Variants in LAS1L observed in about 807,000 individuals in gnomAD.
LAS1L encodes the protein LAS1 like ribosome biogenesis factor, also known as ribosomal biogenesis protein LAS1L.
Under a neutral mutation model 57.3 loss-of-function variants are expected in LAS1L, and 5 were observed. The observed-to-expected ratio is 0.09, with a 90% CI of 0.05 to 0.18. LAS1L has a LOEUF of 0.18. Ranked by LOEUF, LAS1L falls within the 10% of genes least tolerant of loss-of-function variation. LAS1L has a pLI of 1.00. For synonymous variants in LAS1L, 245 were observed against 231.7 expected (o/e 1.06, Z -0.52); for missense variants, 360 against 568.3 (o/e 0.63, Z 3.73).
At position 65,518,327 on chromosome X, in the gene LAS1L, T is replaced by C. The variant is rs1459305971; in HGVS notation, c.1587A>G (p.Pro529=). ...TCCAATACAGGCTGTCTAGTGTATATGGAGACTTCCCAATGGGGGAGGCCT... is the reference window on the plus strand; with the variant it reads ...TCCAATACAGGCTGTCTAGTGTATACGGAGACTTCCCAATGGGGGAGGCCT... ...GSEASPIGKS[P]YTLDSLYWSV... The change falls in exon 12 of 14, where the codon CCA becomes CCG. Residue 529 remains proline, a synonymous_variant. Transcript: ENST00000374811. 3.6e-5 allele frequency: 44 copies of C among 1,210,767 alleles called. No homozygotes were observed. Among genetic ancestry groups the C allele is most frequent in the Non-Finnish European group, 4.8e-5 (43 of 895,356 alleles).
chrX:65,533,000 G>T (rs747190017), intron 2 of LAS1L, among the ~76,000 whole-genome samples: 1 of 112,362 alleles, frequency 8.9e-6, no homozygotes, highest in East Asian at 2.8e-4. Flanking sequence ...GAGAAAGGGA[G>T]GATCTCAAGG....
At chrX:65,523,826 C>T in intron 10 of LAS1L, 119 bp from the exon 11 acceptor site, 1 of 857,160 alleles carries the variant, frequency 1.2e-6, no homozygotes, top group Non-Finnish European at 1.6e-6. Context: ...CTATACCTCC[C>T]AACTGCTCAA....
intron 11 of LAS1L, chrX:65,520,997 C>T: frequency 1.3e-6 from 1 of 754,103 alleles, no homozygotes; most frequent in Non-Finnish European, 1.6e-6. Context: ...CTCATCCAGG[C>T]CCTTTTGGTT....
rs144560954 is a variant in LAS1L at position 65,534,557 on chromosome X, C to T, written c.159G>A (p.Gln53=). ...CGTCACAGAACAGATAAACCGTCAC[C>T]TGGTCCCACTCGGCCCTGCTGAGCC... ...VAWLSRAEWD[Q]VTVYLFCDDH... The change falls in exon 1 of 14, where the codon CAG becomes CAA. Residue 53 remains glutamine (Q), a synonymous_variant. Coordinates refer to ENST00000374811, the MANE Select transcript of LAS1L (RefSeq NM_031206.7). 10 of 1,207,081 alleles carry T rather than the reference C, an allele frequency of 8.3e-6. No homozygotes were observed. In the African/African-American group the frequency reaches 1.6e-4, roughly 19 times the overall value.
At chrX:65,529,357 G>T in intron 5 of LAS1L, 99 bp from the exon 6 acceptor site, 1 of 784,811 alleles carries the variant, frequency 1.3e-6, no homozygotes, top group Non-Finnish European at 1.9e-6. Flanking sequence ...AGTTGTAATT[G>T]AGGAACTAGA....
At chrX:65,534,193 A>C (rs2069680997) in intron 1 of LAS1L, among the ~76,000 whole-genome samples, 2 of 112,094 alleles carry the variant, frequency 1.8e-5, no homozygotes, top group Non-Finnish European at 3.8e-5. Context: ...AGGCCTCACT[A>C]GTCCCTCCGG....
At chrX:65,527,799 C>T (rs1225206365) in intron 7 of LAS1L, among the ~76,000 whole-genome samples, 3 of 110,170 alleles carry the variant, frequency 2.7e-5, no homozygotes. Context: ...CGCCACTGCA[C>T]TCCAGCCTGG....
chrX:65,528,220 T>C (rs1418387590), intron 7 of LAS1L, 40 bp downstream of exon 7: 1 of 863,281 alleles, frequency 1.2e-6, no homozygotes, highest in Non-Finnish European at 1.7e-6. Flanking sequence ...CTACCCTCTA[T>C]CCTAGAGAAT....
intron 12 of LAS1L, among the ~76,000 whole-genome samples, chrX:65,517,727 C>T (rs1178427870): frequency 1.8e-5 from 2 of 112,468 alleles, no homozygotes; most frequent in Non-Finnish European, 3.8e-5. Context: ...ATGTTACTGC[C>T]CAGGGCTCAC....
intron 13 of LAS1L, among the ~76,000 whole-genome samples, chrX:65,513,720 G>A (rs1223837363): frequency 4.4e-5 from 5 of 112,392 alleles, no homozygotes; most frequent in Non-Finnish European, 9.4e-5. Flanking sequence ...TACTACAGTG[G>A]GTGTGGGAGC....
At chrX:65,523,398 T>C in intron 11 of LAS1L, 162 bp downstream of exon 11, 1 of 491,893 alleles carries the variant, frequency 2.0e-6, no homozygotes, top group African/African-American at 2.4e-5. Flanking sequence ...AAGAAAACCC[T>C]ACCCCTCCCC....
In LAS1L at chrX:65,518,087, C is replaced by T. The variant is rs180935964; in HGVS notation, c.1827G>A (p.Gly609=). ...DDEEEDRMEV[G]PFSTGQESPT... ...GGGACTCTTGCCCTGTAGAGAAAGGCCCCACCTCCATTCTGTCTTCCTCTT... is the reference window on the plus strand; with the variant it reads ...GGGACTCTTGCCCTGTAGAGAAAGGTCCCACCTCCATTCTGTCTTCCTCTT... Residue 609 remains glycine (G), a synonymous_variant, in exon 12 of 14, where the codon GGG becomes GGA. Transcript: ENST00000374811. 9.9e-6 allele frequency: 12 copies of T among 1,208,837 alleles called. No homozygotes were observed. Among genetic ancestry groups the T allele is most frequent in the Non-Finnish European group, 1.3e-5 (12 of 893,765 alleles).
At chrX:65,522,130 C>T (rs1010218897) in intron 11 of LAS1L, 1 of 111,166 alleles carries the variant, frequency 9.0e-6, no homozygotes, top group Admixed American at 9.5e-5. Flanking sequence ...GCAGAGGTGG[C>T]TCCAGAGCAC....
rs1230056998 is a variant in LAS1L at position 65,534,716 on chromosome X, A to G, written c.-1T>C. 3.5e-6 allele frequency: 4 copies of G among 1,152,541 alleles called. No homozygotes were observed. The South Asian group carries it at 7.7e-5, about 22-fold the overall frequency. The allele number at this position is 1,152,541 out of a possible 1,213,427, so 95.0% of individuals were successfully genotyped here. ...GCCCGGCCCCGGATTCCCACGACAT[A>G]CTGAGCTCAACAACAGGCTCTGTGC... On this transcript the variant is annotated 5_prime_UTR_variant, in exon 1 of 14. Coordinates refer to ENST00000374811, the MANE Select transcript of LAS1L (RefSeq NM_031206.7).
At chrX:65,515,975 A>G (rs2068614144) in intron 12 of LAS1L, among the ~76,000 whole-genome samples, 1 of 111,591 alleles carries the variant, frequency 9.0e-6, no homozygotes. Context: ...CCTACCACAC[A>G]GTATTATATT....
intron 12 of LAS1L, among the ~76,000 whole-genome samples, chrX:65,516,681 AT>A (rs2148265911): frequency 9.8e-6 from 1 of 101,524 alleles, no homozygotes; most frequent in Non-Finnish European, 2.0e-5. Context: ...ACACACACAA[AT>A]TCTGCTTATG....
intron 4 of LAS1L, among the ~76,000 whole-genome samples, 155 bp from the exon 5 acceptor site, chrX:65,530,033 T>C (rs758251784): frequency 1.8e-5 from 2 of 112,495 alleles, no homozygotes; most frequent in East Asian, 5.6e-4. Context: ...TCACTCTGGG[T>C]TATCCCCCTG....
At chrX:65,514,534 G>GCACACACACACACACACACACA (rs56718186) in intron 13 of LAS1L, among the ~76,000 whole-genome samples, 2 of 88,833 alleles carry the variant, frequency 2.3e-5, no homozygotes, top group African/African-American at 8.6e-5. Flanking sequence ...GTGTGTGCCT[G>GCACACACACACACACACACACA]CACACACACA....
chrX:65,512,826 G>A lies in LAS1L; in HGVS notation c.2154C>T (p.Leu718=). The change falls in exon 14 of 14, where the codon CTC becomes CTT. Residue 718 remains leucine, a synonymous_variant. Transcript: ENST00000374811. ...NSSSSNFEGL[L]WSQGQLHGLK... ...GCCCATGCAGCTGCCCCTGGCTCCA[G>A]AGAAGGCCCTCGAAGTTGCTGCTGC... 1 of 1,168,244 alleles carries A rather than the reference G, an allele frequency of 8.6e-7. No homozygotes were observed. The highest frequency in any genetic ancestry group is 1.1e-6 in the Non-Finnish European group (1 of 873,180).
Sources: gnomAD v4.1 joint callset for allele counts (sites outside exome capture counted in the v4.1 genomes callset) on GRCh38, gnomAD v4.1.1 for gene constraint, MANE v1.5 for transcripts, NCBI Gene and HGNC (gene_info 2026-07-23, HGNC 2026-07-21) for gene names.